The following TRMT1L variants were observed in gnomAD, a reference collection of about 807,000 sequenced individuals.
The protein encoded by TRMT1L is tRNA methyltransferase 1L.
Under a neutral mutation model 81.6 loss-of-function variants are expected in TRMT1L, and 28 were observed. The ratio of observed to expected loss-of-function variants is 0.34; its 90% CI spans 0.25 to 0.47. The LOEUF (loss-of-function observed/expected upper bound fraction) is 0.47, where lower values mean the gene tolerates loss of function less well. Ranked by LOEUF, TRMT1L falls within the 20% of genes least tolerant of loss-of-function variation. The probability of loss-of-function intolerance (pLI) is 1.00; values close to 1 mark genes in which losing one functional copy is unlikely to be tolerated. For synonymous variants in TRMT1L, 301 were observed against 303.2 expected (o/e 0.99, Z 0.07); for missense variants, 739 against 877.1 (o/e 0.84, Z 1.99).
intron 10 of TRMT1L, 43 bp from the exon 11 acceptor site, chr1:185,128,790 T>C: frequency 6.8e-7 from 1 of 1,465,698 alleles, no homozygotes; most frequent in East Asian, 2.3e-5. Context: ...GAGAAATGAC[T>C]AATACAAATA....
intron 4 of TRMT1L, 82 bp downstream of exon 4, chr1:185,147,100 T>C: frequency 2.2e-6 from 2 of 923,894 alleles, no homozygotes; most frequent in Non-Finnish European, 3.4e-6. Flanking sequence ...AACATACACA[T>C]TTTAGTTTCA....
intron 3 of TRMT1L, among the ~76,000 whole-genome samples, 199 bp downstream of exon 3, chr1:185,150,180 C>G (rs532819852): frequency 2.5e-4 from 38 of 152,216 alleles, no homozygotes; most frequent in African/African-American, 8.7e-4. Context: ...AATGTTTGCT[C>G]AACTAAACTG....
At chr1:185,145,813 T>C (rs972010031) in intron 4 of TRMT1L, among the ~76,000 whole-genome samples, 1 of 152,110 alleles carries the variant, frequency 6.6e-6, no homozygotes. Context: ...CAGAAAATAA[T>C]TGTATTTTCT....
At chr1:185,132,561 A>C (rs1652800028) in intron 10 of TRMT1L, among the ~76,000 whole-genome samples, 2 of 151,484 alleles carry the variant, frequency 1.3e-5, no homozygotes, top group Non-Finnish European at 2.9e-5. Flanking sequence ...TAAATAAATA[A>C]ATAAATAGAA....
chr1:185,139,304 G>A (rs1320101652), intron 9 of TRMT1L, 63 bp downstream of exon 9: 3 of 1,359,294 alleles, frequency 2.2e-6, no homozygotes, highest in Non-Finnish European at 3.1e-6. Flanking sequence ...AGTACTTCTT[G>A]TAATATTATC....
chr1:185,124,266 A>G (rs1652567779), intron 12 of TRMT1L, among the ~76,000 whole-genome samples: 1 of 151,842 alleles, frequency 6.6e-6, no homozygotes. Context: ...TGGCCACAAC[A>G]CTCCTTGAAT....
At chr1:185,155,839 T>C (rs1427326270) in intron 1 of TRMT1L, among the ~76,000 whole-genome samples, 2 of 152,214 alleles carry the variant, frequency 1.3e-5, no homozygotes, top group African/African-American at 2.4e-5. Context: ...CAACAGTCTA[T>C]TTCTGATGGA....
chr1:185,124,912 T>G (rs371190970), intron 12 of TRMT1L, 32 bp downstream of exon 12: 14 of 1,587,434 alleles, frequency 8.8e-6, no homozygotes, highest in Middle Eastern at 1.8e-4. Flanking sequence ...GTAAGCAGTT[T>G]AAAGCTAGTA....
intron 3 of TRMT1L, among the ~76,000 whole-genome samples, chr1:185,150,002 C>G (rs2102257729): frequency 6.6e-6 from 1 of 152,160 alleles, no homozygotes; most frequent in East Asian, 1.9e-4. Flanking sequence ...GAGATATTAT[C>G]TTGTATTTTC....
At chr1:185,139,878 T>TAAAC in intron 8 of TRMT1L, 95 bp downstream of exon 8, 1 of 1,391,774 alleles carries the variant, frequency 7.2e-7, no homozygotes, top group Non-Finnish European at 9.7e-7. Flanking sequence ...TTTAAATAAA[T>TAAAC]AAACAACAAA....
chr1:185,148,065 C>T (rs1053760235), intron 3 of TRMT1L, among the ~76,000 whole-genome samples: 2 of 152,110 alleles, frequency 1.3e-5, no homozygotes, highest in African/African-American at 2.4e-5. Context: ...TCGATCATTT[C>T]TTACTTGTAT....
At position 185,143,360 on chromosome 1, in the gene TRMT1L, T is replaced by C; in HGVS notation, c.856A>G (p.Thr286Ala). 1 of 1,598,376 alleles carries C rather than the reference T, an allele frequency of 6.3e-7. No individual in the cohort carries two copies. Among genetic ancestry groups the C allele is most frequent in the Non-Finnish European group, 8.5e-7 (1 of 1,172,266 alleles). ...CCAAAAAAGTGTCCTCACTTACCAG[T>C]GGCTCCAAAAGCATCTAGACATTCC... is the stretch of plus-strand genomic sequence containing the variant. ...PLECLDAFGATGIMGLQWAKH... is the reference protein window; with the variant it reads ...PLECLDAFGAAGIMGLQWAKH... Residue 286 changes from threonine (T) to alanine (A), a missense_variant, in exon 7 of 15, where the codon ACT becomes GCT. This residue lies in a region of TRMT1L where 331 missense variants were observed against 462.2 expected (regional missense o/e 0.72). Transcript: ENST00000367506.
chr1:185,144,868 G>A (rs1653148227), intron 5 of TRMT1L, among the ~76,000 whole-genome samples: 1 of 151,470 alleles, frequency 6.6e-6, no homozygotes, highest in Non-Finnish European at 1.5e-5. Flanking sequence ...CTTAGGCTCT[G>A]TGAGAAAATT....
At chr1:185,156,282 T>C (rs1270124940) in intron 1 of TRMT1L, among the ~76,000 whole-genome samples, 196 bp downstream of exon 1, 1 of 152,200 alleles carries the variant, frequency 6.6e-6, no homozygotes, top group Non-Finnish European at 1.5e-5. Context: ...CGTGACATCC[T>C]CGAGGCTTAT....
At chr1:185,142,824 C>A (rs760061402) in intron 7 of TRMT1L, among the ~76,000 whole-genome samples, 9 of 152,086 alleles carry the variant, frequency 5.9e-5, no homozygotes, top group Non-Finnish European at 1.3e-4. Flanking sequence ...TTATCACACA[C>A]ACAGAAAATG....
At position 185,156,679 on chromosome 1, in the gene TRMT1L, G is replaced by A. The variant is rs762959096; in HGVS notation, c.34C>T (p.Leu12=). 7 of 1,612,338 alleles carry A rather than the reference G, an allele frequency of 4.3e-6. No homozygotes were observed. The South Asian group carries it at 7.7e-5, about 18-fold the overall frequency. The part of the protein sequence containing the change: ...ENMAEEELLP[L]EKEEVEVAQV... ...GCCACCTCCACCTCCTCCTTCTCCA[G>A]GGGCAGCAGCTCCTCCTCCGCCATA... The change falls in exon 1 of 15, where the codon CTG becomes TTG. Residue 12 remains leucine (L), a synonymous_variant. Transcript: ENST00000367506.
intron 3 of TRMT1L, among the ~76,000 whole-genome samples, chr1:185,148,410 T>C (rs948039098): frequency 6.6e-5 from 10 of 152,196 alleles, no homozygotes; most frequent in African/African-American, 2.2e-4. Flanking sequence ...CAAGCATTCT[T>C]GGCTCTTTCT....
intron 4 of TRMT1L, among the ~76,000 whole-genome samples, chr1:185,146,256 G>A (rs1280522594): frequency 6.6e-6 from 1 of 151,950 alleles, no homozygotes; most frequent in African/African-American, 2.4e-5. Flanking sequence ...GGAAATTTGA[G>A]CCAGCTCCAG....
intron 10 of TRMT1L, among the ~76,000 whole-genome samples, chr1:185,133,077 G>A (rs1233197846): frequency 6.6e-6 from 1 of 152,142 alleles, no homozygotes; most frequent in Non-Finnish European, 1.5e-5. Flanking sequence ...GCTTAACTAT[G>A]GTGAAGGAAG....
Sources: gnomAD v4.1 joint callset for allele counts (sites outside exome capture counted in the v4.1 genomes callset) on GRCh38, gnomAD v4.1.1 for gene constraint, gnomAD v4.1.1 regional missense constraint, MANE v1.5 for transcripts, NCBI Gene and HGNC (gene_info 2026-07-23, HGNC 2026-07-21) for gene names.